KCNIP1: variants seen among roughly 807,000 people sequenced by gnomAD.
KCNIP1 encodes the protein potassium voltage-gated channel interacting protein 1.
Under a neutral mutation model 33.0 loss-of-function variants are expected in KCNIP1, and 18 were observed. The ratio of observed to expected loss-of-function variants is 0.55; its 90% confidence interval spans 0.38 to 0.81. KCNIP1 has a LOEUF of 0.81. Ranked by LOEUF, KCNIP1 falls within the 30% of genes least tolerant of loss-of-function variation. The probability of loss-of-function intolerance (pLI) is 0.00; values close to 1 mark genes in which losing one functional copy is unlikely to be tolerated. For synonymous variants in KCNIP1, 93 were observed against 98.3 expected (o/e 0.95, Z 0.32); for missense variants, 238 against 271.6 (o/e 0.88, Z 0.87).
chr5:170,546,991 T>C (rs1201497925), intron 1 of KCNIP1, among the ~76,000 whole-genome samples: 1 of 152,212 alleles, frequency 6.6e-6, no homozygotes, highest in African/African-American at 2.4e-5. Flanking sequence ...AAAAATTTGT[T>C]TGCTCTCATT....
chr5:170,595,317 A>G (rs1262947855), intron 1 of KCNIP1, among the ~76,000 whole-genome samples: 1 of 152,172 alleles, frequency 6.6e-6, no homozygotes. Flanking sequence ...TGGACCAGGG[A>G]GCTGCGTCTG....
chr5:170,506,039 A>G (rs1384777611), intron 1 of KCNIP1, among the ~76,000 whole-genome samples: 1 of 152,020 alleles, frequency 6.6e-6, no homozygotes, highest in Non-Finnish European at 1.5e-5. Flanking sequence ...ACTGGGGACA[A>G]TTTTCAGCGC....
intron 1 of KCNIP1, among the ~76,000 whole-genome samples, chr5:170,684,730 G>A (rs1762479817): frequency 6.6e-6 from 1 of 152,102 alleles, no homozygotes; most frequent in Admixed American, 6.5e-5. Context: ...CAAGGACCTG[G>A]CATCTCCCAG....
Position 170,598,944 on chromosome 5 carries a change from TGGTGG to T in KCNIP1, c.61+94318_61+94322del, listed in dbSNP as rs765258066. 1.0e-4 allele frequency among the ~76,000 whole-genome samples: 15 copies of T among 144,578 alleles called. No individual in the cohort carries two copies. The East Asian group carries it at 2.4e-3, about 23-fold the overall frequency. 94.8% of individuals were successfully genotyped at this position (144,578 alleles called of 152,430 possible). On this transcript the variant is annotated intron_variant, in intron 1 of 7. Transcript: ENST00000328939. ...GTGTGTGTGTGTGTGTGTGTGTGTT[TGGTGG>T]GGTGGGAGGGGAGGCAGAAGAGGAA... is the stretch of plus-strand genomic sequence containing the variant.
intron 1 of KCNIP1, among the ~76,000 whole-genome samples, chr5:170,648,196 C>T (rs1188995397): frequency 6.6e-6 from 1 of 152,222 alleles, no homozygotes; most frequent in East Asian, 1.9e-4. Context: ...CAAAACAGTA[C>T]AGCTGCTTTG....
intron 1 of KCNIP1, among the ~76,000 whole-genome samples, chr5:170,364,645 C>T (rs541137398): frequency 6.6e-6 from 1 of 152,328 alleles, no homozygotes; most frequent in East Asian, 1.9e-4. Context: ...TTCAAATCCC[C>T]TCCTGCGGTT....
intron 1 of KCNIP1, among the ~76,000 whole-genome samples, chr5:170,660,570 G>C (rs1244969766): frequency 6.6e-6 from 1 of 152,140 alleles, no homozygotes; most frequent in Non-Finnish European, 1.5e-5. Flanking sequence ...AGAACTCCAG[G>C]CCTGTCCCAT....
intron 1 of KCNIP1, among the ~76,000 whole-genome samples, chr5:170,372,444 ACCT>A (rs753486121): frequency 6.6e-6 from 1 of 151,964 alleles, no homozygotes; most frequent in Non-Finnish European, 1.5e-5. Flanking sequence ...ATTAAACTCA[ACCT>A]CCAGCCCCTC....
At position 170,653,869 on chromosome 5, in the gene KCNIP1, G is replaced by A. The variant is rs1001833343; in HGVS notation, c.62-64889G>A. 3.9e-5 allele frequency among the ~76,000 whole-genome samples: 6 copies of A among 152,104 alleles called. No homozygotes were observed. In the East Asian group the frequency reaches 1.2e-3, roughly 30 times the overall value. Reference sequence around the variant, plus strand: ...ACTCCCACCCTGGGCCAAGCAACTGGTGGCCAGGAGGAGCTCATATTGCAG... The same window carrying A: ...ACTCCCACCCTGGGCCAAGCAACTGATGGCCAGGAGGAGCTCATATTGCAG... On this transcript the variant is annotated intron_variant, in intron 1 of 7. Transcript: ENST00000328939.
chr5:170,610,672 CTATTT>C (rs955983100), intron 1 of KCNIP1, among the ~76,000 whole-genome samples: 1 of 152,200 alleles, frequency 6.6e-6, no homozygotes, highest in Non-Finnish European at 1.5e-5. Flanking sequence ...AGGAAAATGA[CTATTT>C]TATGTATTCC....
intron 2 of KCNIP1, 31 bp downstream of exon 2, chr5:170,718,913 G>C (rs369653987): frequency 1.6e-5 from 26 of 1,595,096 alleles, no homozygotes; most frequent in Admixed American, 5.5e-5. Flanking sequence ...GAAGGCCTGG[G>C]GGGGGTTCCC....
chr5:170,492,039 A>G (rs1757218400), intron 1 of KCNIP1, among the ~76,000 whole-genome samples: 1 of 152,200 alleles, frequency 6.6e-6, no homozygotes, highest in South Asian at 2.1e-4. Context: ...CTCGGACACC[A>G]GTTCTGGGTA....
chr5:170,456,701 T>TTTTC (rs147202327), intron 1 of KCNIP1, among the ~76,000 whole-genome samples: 73,712 of 135,682 alleles, frequency 0.54, 20,644 homozygotes, highest in East Asian at 0.65. Context: ...CTCTCTCTCT[T>TTTTC]TTTCTTTCTT....
intron 1 of KCNIP1, among the ~76,000 whole-genome samples, chr5:170,425,820 G>A (rs796751240): frequency 2.0e-5 from 3 of 152,188 alleles, no homozygotes; most frequent in South Asian, 4.1e-4. Flanking sequence ...CTTCCTGCAG[G>A]CAGGCAAGGT....
rs533905609 is a variant in KCNIP1 at position 170,536,354 on chromosome 5, CA to C, written c.61+31722del. 3.0e-4 allele frequency among the ~76,000 whole-genome samples: 46 copies of C among 151,944 alleles called. No homozygotes were observed. The South Asian group carries it at 4.4e-3, about 14-fold the overall frequency. ...TGCTTTCCCTGGGCCTCAGTTTTCC[CA>C]GCAGTAGAATGGGCTTATTATTAGA... is the stretch of plus-strand genomic sequence containing the variant. On this transcript the variant is annotated intron_variant, in intron 1 of 7. Coordinates refer to ENST00000328939, the MANE Select transcript of KCNIP1 (RefSeq NM_014592.4).
In KCNIP1 at chr5:170,718,842, C is replaced by A; in HGVS notation, c.146C>A (p.Thr49Asn). Residue 49 changes from threonine (T) to asparagine (N), a missense_variant, in exon 2 of 8, where the codon ACC (threonine) becomes AAC (asparagine). Thr to Asn is a moderately conservative substitution (Grantham distance 65). Coordinates refer to ENST00000328939, the MANE Select transcript of KCNIP1 (RefSeq NM_014592.4). ...LEQLEAQTNF[T>N]KRELQVLYRG... ...CAGCTCGAGGCCCAGACCAACTTCA[C>A]CAAGAGGGAGCTGCAGGTCCTTTAT... 6.2e-7 allele frequency: 1 copy of A among 1,610,444 alleles called. No individual in the cohort carries two copies. The highest frequency in any genetic ancestry group is 8.5e-7 in the Non-Finnish European group (1 of 1,178,816).
At chr5:170,692,417 A>G (rs541971649) in intron 1 of KCNIP1, among the ~76,000 whole-genome samples, 4 of 152,366 alleles carry the variant, frequency 2.6e-5, no homozygotes, top group African/African-American at 9.6e-5. Context: ...CTCCGGAAAT[A>G]ATAGCTTCCA....
intron 1 of KCNIP1, among the ~76,000 whole-genome samples, chr5:170,542,393 A>G (rs1756245916): frequency 6.6e-6 from 1 of 152,298 alleles, no homozygotes; most frequent in Non-Finnish European, 1.5e-5. Context: ...AAAATGTCCC[A>G]TAGAGTTGCT....
In KCNIP1 at chr5:170,632,779, G is replaced by C. The variant is rs542213306; in HGVS notation, c.62-85979G>C. 3.9e-5 allele frequency among the ~76,000 whole-genome samples: 6 copies of C among 152,376 alleles called. No homozygotes were observed. The South Asian group carries it at 1.2e-3, about 32-fold the overall frequency. On this transcript the variant is annotated intron_variant, in intron 1 of 7. Coordinates refer to ENST00000328939, the MANE Select transcript of KCNIP1 (RefSeq NM_014592.4). ...ATCCCAGTTCTGCACTTAACCAGCT[G>C]TGTGACCTCAGGCAAGCAACCTGGC...
Sources: gnomAD v4.1 joint callset for allele counts (sites outside exome capture counted in the v4.1 genomes callset) on GRCh38, gnomAD v4.1.1 for gene constraint, MANE v1.5 for transcripts, NCBI Gene and HGNC (gene_info 2026-07-23, HGNC 2026-07-21) for gene names.